The following KCNQ1 variants were observed in gnomAD, a reference collection of about 807,000 sequenced individuals.
KCNQ1 encodes the protein potassium voltage-gated channel subfamily Q member 1.
A neutral mutation model predicts 72.4 loss-of-function variants in KCNQ1; 49 were observed. That is an observed-to-expected ratio of 0.68 (90% CI 0.54 to 0.86). The LOEUF (loss-of-function observed/expected upper bound fraction) is 0.86. Among genes scored for constraint, KCNQ1 ranks in the 40% least tolerant of loss-of-function variants. KCNQ1 has a pLI of 0.00. For missense variants in KCNQ1, 790 were observed against 945.1 expected (o/e 0.84, Z 2.15); for synonymous variants, 450 against 412.6 (o/e 1.09, Z -1.10).
chr11:2,847,742 C>T (rs1352512342), intron 15 of KCNQ1, 25 bp from the exon 16 acceptor site: 2 of 1,566,210 alleles, frequency 1.3e-6, no homozygotes, highest in South Asian at 2.3e-5. Context: ...ACCACTGACT[C>T]TCTCGTCTGC....
intron 11 of KCNQ1, among the ~76,000 whole-genome samples, chr11:2,760,293 G>A (rs1010435178): frequency 2.6e-5 from 4 of 152,184 alleles, no homozygotes; most frequent in South Asian, 2.1e-4. Flanking sequence ...GCAGGCGGGC[G>A]TGGAGGAGCT....
intron 2 of KCNQ1, among the ~76,000 whole-genome samples, chr11:2,534,346 C>T (rs978171011): frequency 6.6e-6 from 1 of 152,238 alleles, no homozygotes; most frequent in Non-Finnish European, 1.5e-5. Flanking sequence ...CGGCCTGGGG[C>T]GGTTTCCCGC....
rs1851026892 is a variant in KCNQ1 at position 2,712,749 on chromosome 11, A to G, written c.1514+50668A>G. On this transcript the variant is annotated intron_variant, in intron 11 of 15. Transcript: ENST00000155840. The surrounding 1 kb of genome is among the most constrained non-coding windows in gnomAD (Gnocchi z 6.4). The stretch of plus-strand genomic sequence containing the variant: ...TCCGCAACCACACCAGTGGCTGGAA[A>G]GCCAGAGTCCCCTGGCTCCTGCACT... Among the ~76,000 whole-genome samples, 2 of 152,230 alleles carry G rather than the reference A, an allele frequency of 1.3e-5. No homozygotes were observed. Among genetic ancestry groups the G allele is most frequent in the Admixed American group, 1.3e-4 (2 of 15,280 alleles).
At chr11:2,733,802 A>ACACACACACACACACACACACACACACT (rs1845895261) in intron 11 of KCNQ1, among the ~76,000 whole-genome samples, 4 of 63,820 alleles carry the variant, frequency 6.3e-5, no homozygotes, top group African/African-American at 3.3e-4. Context: ...ACACACACAC[A>ACACACACACACACACACACACACACACT]CACACACACA....
chr11:2,660,768 A>G (rs1391595334), intron 10 of KCNQ1: 2 of 398,538 alleles, frequency 5.0e-6, no homozygotes, highest in Admixed American at 8.8e-5. Flanking sequence ...GGGAGCCTGA[A>G]TTGCTACAAC....
Position 2,484,551 on chromosome 11 carries a change from C to A in KCNQ1, c.386+39067C>A, listed in dbSNP as rs1846705248. On this transcript the variant is annotated intron_variant, in intron 1 of 15. Coordinates refer to ENST00000155840, the MANE Select transcript of KCNQ1 (RefSeq NM_000218.3). This position sits in a 1 kb window ranked among gnomAD's most constrained non-coding sequence, Gnocchi z 5.2. ...CAGCTTCCATGCCCCTTTGGTGGGC[C>A]CTGTCTTTTCTTGGACACTGCCTTC... 1.3e-5 allele frequency among the ~76,000 whole-genome samples: 2 copies of A among 152,200 alleles called. No homozygotes were observed. Among genetic ancestry groups the A allele is most frequent in the African/African-American group, 4.8e-5 (2 of 41,430 alleles).
rs902218312 is a variant in KCNQ1, at chr11:2,767,216, T to C, written c.1515-1628T>C. On this transcript the variant is annotated intron_variant, in intron 11 of 15. Transcript: ENST00000155840. The surrounding 1 kb of genome is among the most constrained non-coding windows in gnomAD (Gnocchi z 4.6). ...TTTTTTTCTTTGCTTAGCTAGGAGG[T>C]TGGACTTGGTTCAGCTAGGAGGTTG... 2.0e-5 allele frequency among the ~76,000 whole-genome samples: 3 copies of C among 151,620 alleles called. No homozygotes were observed. The highest frequency in any genetic ancestry group is 7.3e-5 in the African/African-American group (3 of 41,186).
rs1419167907 is a variant in KCNQ1, at chr11:2,471,815, C to G, written c.386+26331C>G. On this transcript the variant is annotated intron_variant, in intron 1 of 15. Coordinates refer to ENST00000155840, the MANE Select transcript of KCNQ1 (RefSeq NM_000218.3). This position sits in a 1 kb window ranked among gnomAD's most constrained non-coding sequence, Gnocchi z 4.8. The stretch of plus-strand genomic sequence containing the variant: ...GTGCATGTGTATATAGGTGTGTGTG[C>G]ACGTGTATGGGTGCGTGTGCACCTA... Among the ~76,000 whole-genome samples, 1 of 150,940 alleles carries G rather than the reference C, an allele frequency of 6.6e-6. No homozygotes were observed. The highest frequency in any genetic ancestry group is 1.5e-5 in the Non-Finnish European group (1 of 67,810).
chr11:2,449,769 G>A (rs921718185), intron 1 of KCNQ1, among the ~76,000 whole-genome samples: 1 of 152,152 alleles, frequency 6.6e-6, no homozygotes, highest in Non-Finnish European at 1.5e-5. Flanking sequence ...TTTTAAAGGC[G>A]TTGGGTGCCG....
chr11:2,841,615 C>T lies in KCNQ1; in HGVS notation c.1795-6152C>T, dbSNP rs112219805. Reference sequence around the variant, plus strand: ...AGGAATCTGAGCTCCCGCTGGGACACGCTGAGCTGTGGGGCTGTTGGCCTG... The same window carrying T: ...AGGAATCTGAGCTCCCGCTGGGACATGCTGAGCTGTGGGGCTGTTGGCCTG... On this transcript the variant is annotated intron_variant, in intron 15 of 15. Transcript: ENST00000155840. Among the ~76,000 whole-genome samples the T allele has an allele frequency of 2.4e-4, 37 of 152,352 alleles. 1 individual carries two copies. In the South Asian group the frequency reaches 7.0e-3, roughly 29 times the overall value.
In KCNQ1 at chr11:2,824,772, G is replaced by A. The variant is rs898949659; in HGVS notation, c.1795-22995G>A. Among the ~76,000 whole-genome samples the A allele has an allele frequency of 1.4e-5, 2 of 144,202 alleles. No homozygotes were observed. Among genetic ancestry groups the A allele is most frequent in the Non-Finnish European group, 3.2e-5 (2 of 63,056 alleles). The allele number at this position is 144,202 out of a possible 152,430, so 94.6% of individuals were successfully genotyped here. On this transcript the variant is annotated intron_variant, in intron 15 of 15. Coordinates refer to ENST00000155840, the MANE Select transcript of KCNQ1 (RefSeq NM_000218.3). The surrounding 1 kb of genome is among the most constrained non-coding windows in gnomAD (Gnocchi z 5.9). ...CCCGGGACAGCTTTGAGGAAGGAAC[G>A]TCCCCTGGGTTCCACACCACAGAGC...
rs1846356096 is a variant in KCNQ1 at position 2,759,533 on chromosome 11, G to A, written c.1515-9311G>A. Reference sequence around the variant, plus strand: ...TGTGTCTCCTAGGACGCACAGGTGTGGGACCTCACTGCGCGGGAGGGAGTT... The same window carrying A: ...TGTGTCTCCTAGGACGCACAGGTGTAGGACCTCACTGCGCGGGAGGGAGTT... On this transcript the variant is annotated intron_variant, in intron 11 of 15. Coordinates refer to ENST00000155840, the MANE Select transcript of KCNQ1 (RefSeq NM_000218.3). The surrounding 1 kb of genome is among the most constrained non-coding windows in gnomAD (Gnocchi z 4.4). 6.6e-6 allele frequency among the ~76,000 whole-genome samples: 1 copy of A among 152,220 alleles called. No homozygotes were observed. Among genetic ancestry groups the A allele is most frequent in the South Asian group, 2.1e-4 (1 of 4,834 alleles).
intron 10 of KCNQ1, chr11:2,619,362 C>T: frequency 2.5e-6 from 1 of 398,504 alleles, no homozygotes; most frequent in East Asian, 3.6e-5. Flanking sequence ...TATACCTGAA[C>T]TGTTAGAATT....
intron 10 of KCNQ1, chr11:2,646,433 T>G (rs2412055): frequency 0.88 from 350,959 of 398,540 alleles, 154,660 homozygotes; most frequent in East Asian, 0.91. Context: ...TTGGTTAAGC[T>G]TTGCTTTTTT....
chr11:2,674,464 T>G lies in KCNQ1; in HGVS notation c.1514+12383T>G. ...GGGGGAGGCACGTGGGGAGGAGGGC[T>G]GCCTGTCGAGATGTGTAAGATGGCC... On this transcript the variant is annotated intron_variant, in intron 11 of 15. Transcript: ENST00000155840. The surrounding 1 kb of genome is among the most constrained non-coding windows in gnomAD (Gnocchi z 5.9). 2.5e-6 allele frequency: 1 copy of G among 398,674 alleles called. No individual in the cohort carries two copies. The highest frequency in any genetic ancestry group is 3.6e-5 in the East Asian group (1 of 28,046). 24.7% of individuals were successfully genotyped at this position (398,674 alleles called of 1,614,324 possible). A position where few individuals can be genotyped will look rare whatever the true frequency, so the allele number is the denominator to read the frequency against.
chr11:2,702,064 C>A (rs1850824581), intron 11 of KCNQ1, among the ~76,000 whole-genome samples: 1 of 152,234 alleles, frequency 6.6e-6, no homozygotes, highest in Admixed American at 6.5e-5. Context: ...CCCAGGCCTC[C>A]TCTGGCCTTC....
intron 1 of KCNQ1, among the ~76,000 whole-genome samples, chr11:2,500,445 A>G (rs890173995): frequency 1.3e-5 from 2 of 152,238 alleles, no homozygotes; most frequent in African/African-American, 4.8e-5. Flanking sequence ...AATTAGTTCA[A>G]CCATTGTGGA....
At chr11:2,502,833 G>T (rs965273106) in intron 1 of KCNQ1, among the ~76,000 whole-genome samples, 1 of 152,082 alleles carries the variant, frequency 6.6e-6, no homozygotes. Flanking sequence ...CATAAAAACA[G>T]ACACGTAGAC....
At chr11:2,505,754 A>C (rs1363388323) in intron 1 of KCNQ1, among the ~76,000 whole-genome samples, 1 of 152,100 alleles carries the variant, frequency 6.6e-6, no homozygotes, top group Non-Finnish European at 1.5e-5. Context: ...TTCTAGGTTT[A>C]TTATAAAACC....
Sources: gnomAD v4.1 joint callset for allele counts (sites outside exome capture counted in the v4.1 genomes callset) on GRCh38, gnomAD v4.1.1 for gene constraint, Gnocchi (gnomAD v3.1) non-coding constraint, MANE v1.5 for transcripts, NCBI Gene and HGNC (gene_info 2026-07-23, HGNC 2026-07-21) for gene names.